ZNF354C: variants seen among roughly 807,000 people sequenced by gnomAD.
ZNF354C encodes the protein zinc finger protein 354C, also known as KRAB-zinc finger protein synten.
Under a neutral mutation model 12.4 loss-of-function variants are expected in ZNF354C, and 7 were observed. The ratio of observed to expected loss-of-function variants is 0.56; its 90% CI spans 0.32 to 1.06. The LOEUF (loss-of-function observed/expected upper bound fraction) is 1.06. Ranked by LOEUF, ZNF354C falls within the 50% of genes least tolerant of loss-of-function variation. ZNF354C has a pLI of 0.04. For missense variants in ZNF354C, 609 were observed against 658.0 expected, an observed-to-expected ratio of 0.93 and a Z score of 0.81; for synonymous variants, 202 against 224.5, an observed-to-expected ratio of 0.90 and a Z score of 0.90.
Position 179,076,431 on chromosome 5 carries a change from GT to G in ZNF354C, c.28-11del. On this transcript the variant is annotated splice_polypyrimidine_tract_variant and intron_variant, in intron 2 of 4. Coordinates refer to ENST00000315475, the MANE Select transcript of ZNF354C (RefSeq NM_014594.3). ...GATGGTCCTGGGTGAGCAGGTATGG[GT>G]TTGCCATTACAGGAGCCTGTGACAT... 6.2e-7 allele frequency: 1 copy of G among 1,614,102 alleles called. No homozygotes were observed. Among genetic ancestry groups the G allele is most frequent in the Non-Finnish European group, 8.5e-7 (1 of 1,179,990 alleles).
At chr5:179,078,659 A>G (rs751023068) in intron 4 of ZNF354C, 24 bp from the exon 5 acceptor site, 4 of 1,558,084 alleles carry the variant, frequency 2.6e-6, no homozygotes, top group Non-Finnish European at 2.6e-6. Flanking sequence ...CAGAGGAGGC[A>G]TTAATTCTTC....
chr5:179,080,742 G>A lies in ZNF354C; in HGVS notation c.*645G>A, dbSNP rs1443869292. On this transcript the variant is annotated 3_prime_UTR_variant, in exon 5 of 5. Transcript: ENST00000315475. ...TTAGTTCTTAAAATCTTGCCCAAAGGTAGACTCTCTTTCTTTTACTTTCTT... is the reference window on the plus strand; with the variant it reads ...TTAGTTCTTAAAATCTTGCCCAAAGATAGACTCTCTTTCTTTTACTTTCTT... 1.3e-5 allele frequency: 1 copy of A among 75,276 alleles called. No individual in the cohort carries two copies. Among genetic ancestry groups the A allele is most frequent in the Non-Finnish European group, 2.7e-5 (1 of 37,436 alleles). 4.7% of individuals were successfully genotyped at this position (75,276 alleles called of 1,614,324 possible).
In ZNF354C at chr5:179,082,672, G is replaced by A; in HGVS notation, c.*2575G>A. ...ATTAATGACGTGCTTTGTGGATGTG[G>A]TTAGTCAATGACACCAGCTTGACGG... On this transcript the variant is annotated 3_prime_UTR_variant, in exon 5 of 5. Coordinates refer to ENST00000315475, the MANE Select transcript of ZNF354C (RefSeq NM_014594.3). 6.3e-7 allele frequency: 1 copy of A among 1,589,140 alleles called. No homozygotes were observed. Among genetic ancestry groups the A allele is most frequent in the Non-Finnish European group, 8.6e-7 (1 of 1,160,174 alleles).
chr5:179,065,648 T>G (rs775978617), intron 2 of ZNF354C, among the ~76,000 whole-genome samples: 1 of 152,166 alleles, frequency 6.6e-6, no homozygotes, highest in Non-Finnish European at 1.5e-5. Flanking sequence ...ACTCTTGGCC[T>G]CAAGTGATCC....
chr5:179,062,532 A>G (rs770662084), intron 2 of ZNF354C, among the ~76,000 whole-genome samples: 12 of 152,210 alleles, frequency 7.9e-5, no homozygotes, highest in Non-Finnish European at 1.5e-4. Context: ...GAAAGCTGTC[A>G]TTTCCATCTT....
At position 179,083,061 on chromosome 5, in the gene ZNF354C, G is replaced by A. The variant is rs1762250761; in HGVS notation, c.*2964G>A. Reference sequence around the variant, plus strand: ...CACTGGCCCTACGCAGGGGTGTGATGTTGTAAGCCATAGTTTGTGCATTTT... The same window carrying A: ...CACTGGCCCTACGCAGGGGTGTGATATTGTAAGCCATAGTTTGTGCATTTT... On this transcript the variant is annotated 3_prime_UTR_variant, in exon 5 of 5. Coordinates refer to ENST00000315475, the MANE Select transcript of ZNF354C (RefSeq NM_014594.3). 3 of 759,588 alleles carry A rather than the reference G, an allele frequency of 3.9e-6. No homozygotes were observed. In the South Asian group the frequency reaches 5.6e-5, roughly 14 times the overall value. The allele number at this position is 759,588 out of a possible 1,614,324, so 47.1% of individuals were successfully genotyped here.
chr5:179,072,022 T>A (rs927505356), intron 2 of ZNF354C, among the ~76,000 whole-genome samples: 11 of 152,098 alleles, frequency 7.2e-5, no homozygotes, highest in Admixed American at 3.9e-4. Context: ...ACTGTACAAT[T>A]TCCAGGATAA....
intron 4 of ZNF354C, among the ~76,000 whole-genome samples, chr5:179,077,395 CAG>C (rs1299804007): frequency 6.6e-6 from 1 of 152,186 alleles, no homozygotes; most frequent in Non-Finnish European, 1.5e-5. Context: ...CAGGTTTTAA[CAG>C]AGAGTAGTTT....
intron 2 of ZNF354C, among the ~76,000 whole-genome samples, chr5:179,067,845 CAAAA>C (rs1012735682): frequency 6.9e-6 from 1 of 144,028 alleles, no homozygotes; most frequent in African/African-American, 2.6e-5. Flanking sequence ...GACTCTGTCT[CAAAA>C]AAAAAAGAAG....
chr5:179,076,293 A>G (rs1312120128), intron 2 of ZNF354C, 152 bp from the exon 3 acceptor site: 1 of 1,076,298 alleles, frequency 9.3e-7, no homozygotes, highest in Non-Finnish European at 1.3e-6. Flanking sequence ...TTTTAATTAA[A>G]TAGCTAATGG....
chr5:179,064,472 A>T (rs1420060357), intron 2 of ZNF354C, among the ~76,000 whole-genome samples: 1 of 151,580 alleles, frequency 6.6e-6, no homozygotes, highest in African/African-American at 2.4e-5. Context: ...GCTGGAGTGC[A>T]GTGGCGCCAT....
In ZNF354C at chr5:179,078,884, A is replaced by G; in HGVS notation, c.452A>G (p.Glu151Gly). The change falls in exon 5 of 5, where the codon GAG becomes GGG. Residue 151 changes from glutamate (E) to glycine (G), a missense_variant. Glu to Gly is a moderately conservative substitution (Grantham distance 98). Transcript: ENST00000315475. ...KPLRQMIDSH[E>G]KTISEDGNHT... is the part of the protein sequence containing the mutation. ...CTTAGACAAATGATAGATTCGCATG[A>G]GAAAACCATCAGTGAAGATGGAAAC... The G allele has an allele frequency of 6.2e-7, 1 of 1,614,138 alleles. No homozygotes were observed. The highest frequency in any genetic ancestry group is 8.5e-7 in the Non-Finnish European group (1 of 1,180,004).
Position 179,076,427 on chromosome 5 carries a change from A to G in ZNF354C, c.28-18A>G. The G allele has an allele frequency of 4.3e-6, 7 of 1,614,046 alleles. No individual in the cohort carries two copies. The highest frequency in any genetic ancestry group is 4.5e-5 in the East Asian group (2 of 44,874). Reference sequence around the variant, plus strand: ...AGAAGATGGTCCTGGGTGAGCAGGTATGGGTTTGCCATTACAGGAGCCTGT... The same window carrying G: ...AGAAGATGGTCCTGGGTGAGCAGGTGTGGGTTTGCCATTACAGGAGCCTGT... On this transcript the variant is annotated intron_variant, in intron 2 of 4. Coordinates refer to ENST00000315475, the MANE Select transcript of ZNF354C (RefSeq NM_014594.3).
chr5:179,070,126 C>G (rs1762028830), intron 2 of ZNF354C, among the ~76,000 whole-genome samples: 2 of 152,176 alleles, frequency 1.3e-5, no homozygotes, highest in African/African-American at 2.4e-5. Context: ...TGCCGCCTGT[C>G]AGATCGGCAG....
At position 179,077,101 on chromosome 5, in the gene ZNF354C, A is replaced by C. The variant is rs138371275; in HGVS notation, c.185A>C (p.His62Pro). The change falls in exon 4 of 5, where the codon CAT (histidine) becomes CCT (proline). Residue 62 changes from histidine to proline, a missense_variant. Transcript: ENST00000315475. ...GIPFSMPKLI[H>P]QLQQGEDPCM... ...CCATTTTCAATGCCAAAGTTGATTC[A>C]TCAGTTGCAGCAAGGAGAAGATCCC... The C allele has an allele frequency of 2.3e-5, 37 of 1,614,076 alleles. No homozygotes were observed. The highest frequency in any genetic ancestry group is 2.6e-5 in the Non-Finnish European group (31 of 1,180,040).
intron 2 of ZNF354C, among the ~76,000 whole-genome samples, chr5:179,066,476 TG>T (rs1042804302): frequency 2.0e-5 from 3 of 152,280 alleles, no homozygotes; most frequent in Admixed American, 1.3e-4. Flanking sequence ...TTCAAGTTTC[TG>T]ACCTATTTTA....
chr5:179,073,967 G>A (rs1762080881), intron 2 of ZNF354C, among the ~76,000 whole-genome samples: 1 of 151,490 alleles, frequency 6.6e-6, no homozygotes, highest in Non-Finnish European at 1.5e-5. Context: ...ATCAGCTTGT[G>A]TAAGTTTTTG....
chr5:179,075,411 A>C (rs1229996053), intron 2 of ZNF354C, among the ~76,000 whole-genome samples: 2 of 151,490 alleles, frequency 1.3e-5, no homozygotes, highest in African/African-American at 4.9e-5. Flanking sequence ...ACAGAGCAAG[A>C]CTCCATCTCA....
chr5:179,072,356 C>T (rs1344853774), intron 2 of ZNF354C, among the ~76,000 whole-genome samples: 1 of 151,386 alleles, frequency 6.6e-6, no homozygotes, highest in East Asian at 1.9e-4. Context: ...AAGTCAGTGA[C>T]AGTTGAAGGT....
Sources: allele counts gnomAD v4.1 joint callset (sites outside exome capture counted in the v4.1 genomes callset), GRCh38; gene constraint gnomAD v4.1.1; transcripts MANE v1.5; gene names NCBI Gene and HGNC (gene_info 2026-07-23, HGNC 2026-07-21).